HDAC8: variants seen among roughly 807,000 people sequenced by gnomAD.
HDAC8 encodes histone deacetylase 8.
Under a neutral mutation model 32.2 loss-of-function variants are expected in HDAC8, and 1 was observed. That is an observed-to-expected ratio of 0.03 (90% CI 0.01 to 0.15). The LOEUF (loss-of-function observed/expected upper bound fraction) is 0.15, where lower values mean the gene tolerates loss of function less well. HDAC8 is among the 10% of genes least tolerant of loss of function. The pLI is 1.00. For synonymous variants in HDAC8, 108 were observed against 113.9 expected (o/e 0.95, Z 0.33); for missense variants, 117 against 300.0 (o/e 0.39, Z 4.51).
intron 9 of HDAC8, among the ~76,000 whole-genome samples, chrX:72,446,580 A>G (rs1188546516): frequency 9.0e-6 from 1 of 110,907 alleles, no homozygotes; most frequent in Non-Finnish European, 1.9e-5. Context: ...GATATACCTA[A>G]TGCTAAATGA....
At chrX:72,517,732 G>C (rs2049851763) in intron 4 of HDAC8, among the ~76,000 whole-genome samples, 1 of 112,243 alleles carries the variant, frequency 8.9e-6, no homozygotes, top group African/African-American at 3.2e-5. Flanking sequence ...GATCATAAAT[G>C]TGAGGGTTTA....
At chrX:72,395,899 GCTTAGTTA>G (rs1555965502) in intron 9 of HDAC8, among the ~76,000 whole-genome samples, 1 of 112,064 alleles carries the variant, frequency 8.9e-6, no homozygotes, top group Non-Finnish European at 1.9e-5. Context: ...ATAGAGAGGA[GCTTAGTTA>G]CTCACTAACT....
At chrX:72,338,715 AATTTTTTT>A (rs1381700819) in intron 10 of HDAC8, among the ~76,000 whole-genome samples, 1 of 100,467 alleles carries the variant, frequency 1.0e-5, no homozygotes, top group African/African-American at 3.6e-5. Flanking sequence ...ATATATATAT[AATTTTTTT>A]ATTTTTTTAT....
At chrX:72,491,897 T>C (rs2048883110) in intron 5 of HDAC8, among the ~76,000 whole-genome samples, 2 of 111,713 alleles carry the variant, frequency 1.8e-5, no homozygotes, top group African/African-American at 3.3e-5. Flanking sequence ...CTGTCCTCTT[T>C]CTTACTTCAA....
intron 7 of HDAC8, among the ~76,000 whole-genome samples, chrX:72,472,089 A>G (rs1223821212): frequency 9.7e-6 from 1 of 103,149 alleles, no homozygotes; most frequent in Non-Finnish European, 2.0e-5. Flanking sequence ...TTTTTTTGAG[A>G]CGGAGTCTCG....
chrX:72,465,423 G>GT (rs373742210), intron 7 of HDAC8, among the ~76,000 whole-genome samples: 6,982 of 100,722 alleles, frequency 0.069, 535 homozygotes, highest in African/African-American at 0.22. Flanking sequence ...CAACCTAGCT[G>GT]TTTTTTTTTT....
intron 9 of HDAC8, among the ~76,000 whole-genome samples, chrX:72,387,607 C>G (rs1178579143): frequency 8.9e-6 from 1 of 111,733 alleles, no homozygotes; most frequent in Non-Finnish European, 1.9e-5. Flanking sequence ...CTAATTCTGT[C>G]AACTTGGGCA....
intron 9 of HDAC8, among the ~76,000 whole-genome samples, chrX:72,443,392 C>T (rs1217838567): frequency 3.6e-4 from 40 of 110,437 alleles, no homozygotes; most frequent in South Asian, 7.8e-4. Context: ...CACTCAAAAC[C>T]GCTCAACTAC....
intron 9 of HDAC8, among the ~76,000 whole-genome samples, chrX:72,375,622 AAG>A (rs1445364387): frequency 3.6e-5 from 4 of 110,628 alleles, no homozygotes; most frequent in Non-Finnish European, 7.6e-5. Context: ...GGAAGGGAGG[AAG>A]AGAGAGAGAT....
At chrX:72,521,519 G>T (rs1361603361) in intron 4 of HDAC8, among the ~76,000 whole-genome samples, 3 of 110,774 alleles carry the variant, frequency 2.7e-5, no homozygotes, top group Non-Finnish European at 5.7e-5. Context: ...TGATTCCAGG[G>T]CTGGAGCAGG....
chrX:72,444,168 C>T (rs1378467522), intron 9 of HDAC8, among the ~76,000 whole-genome samples: 2 of 102,566 alleles, frequency 1.9e-5, no homozygotes, highest in Non-Finnish European at 3.9e-5. Context: ...AAGAGGGAAT[C>T]CTCCCTAACT....
intron 10 of HDAC8, among the ~76,000 whole-genome samples, chrX:72,350,125 T>C (rs2984292): frequency 0.046 from 5,093 of 110,666 alleles, 204 homozygotes; most frequent in African/African-American, 0.13. Context: ...TTGAAGGCCT[T>C]AAAAGTTGGA....
chrX:72,435,436 C>A (rs377540009), intron 9 of HDAC8, among the ~76,000 whole-genome samples: 2 of 111,424 alleles, frequency 1.8e-5, no homozygotes, highest in Non-Finnish European at 3.8e-5. Context: ...AATGTCAACA[C>A]CAAGATGACA....
chrX:72,557,409 C>T (rs2051319232), intron 4 of HDAC8, among the ~76,000 whole-genome samples: 1 of 111,395 alleles, frequency 9.0e-6, no homozygotes, highest in Non-Finnish European at 1.9e-5. Context: ...TAGAAATAAA[C>T]TCCAAAAGGC....
chrX:72,364,766 CCA>C (rs1372138834), intron 9 of HDAC8, among the ~76,000 whole-genome samples: 1 of 111,486 alleles, frequency 9.0e-6, no homozygotes, highest in Non-Finnish European at 1.9e-5. Flanking sequence ...CCAGACTTCA[CCA>C]CCATGCAATA....
chrX:72,403,912 C>T (rs1015606965), intron 9 of HDAC8, among the ~76,000 whole-genome samples: 1 of 111,080 alleles, frequency 9.0e-6, no homozygotes, highest in Non-Finnish European at 1.9e-5. Flanking sequence ...AATTGTACCC[C>T]AAACCTCACC....
At chrX:72,481,972 A>T (rs1187204630) in intron 7 of HDAC8, among the ~76,000 whole-genome samples, 5 of 111,081 alleles carry the variant, frequency 4.5e-5, no homozygotes, top group African/African-American at 1.6e-4. Context: ...ATTCTAGATG[A>T]CTTATTATAA....
rs146867041 is a variant in HDAC8 at position 72,509,562 on chromosome X, G to A, written c.438-14294C>T. On this transcript the variant is annotated intron_variant, in intron 4 of 10. Transcript: ENST00000373573. The stretch of plus-strand genomic sequence containing the variant: ...TTATTATTCCGCCTTTAAAAAGAAG[G>A]AAATCATGTGACAACAGGGACGAAC... Among the ~76,000 whole-genome samples the A allele has an allele frequency of 4.1e-3, 453 of 111,772 alleles. 3 individuals are homozygous for A. The highest frequency in any genetic ancestry group is 6.4e-3 in the Non-Finnish European group (342 of 53,137).
At chrX:72,538,084 T>C (rs1348482412) in intron 4 of HDAC8, among the ~76,000 whole-genome samples, 5 of 111,713 alleles carry the variant, frequency 4.5e-5, no homozygotes, top group African/African-American at 9.8e-5. Flanking sequence ...ACAGTTATAT[T>C]AAAGACAAGT....
Sources: allele counts gnomAD v4.1 joint callset (sites outside exome capture counted in the v4.1 genomes callset), GRCh38; gene constraint gnomAD v4.1.1; transcripts MANE v1.5; gene names NCBI Gene and HGNC (gene_info 2026-07-23, HGNC 2026-07-21).